B3GALT1: variants seen among roughly 807,000 people sequenced by gnomAD.
B3GALT1 encodes beta-1,3-galactosyltransferase 1.
A neutral mutation model predicts 23.2 loss-of-function variants in B3GALT1; 10 were observed. That is an observed-to-expected ratio of 0.43 (90% CI 0.27 to 0.73). B3GALT1 has a LOEUF of 0.73. B3GALT1 is among the 30% of genes least tolerant of loss of function. B3GALT1 has a pLI of 0.21. For missense variants in B3GALT1, 299 were observed against 405.4 expected, an observed-to-expected ratio of 0.74 and a Z score of 2.25; for synonymous variants, 156 against 141.5, an observed-to-expected ratio of 1.10 and a Z score of -0.73.
intron 3 of B3GALT1, among the ~76,000 whole-genome samples, chr2:167,754,958 G>A (rs181504325): frequency 2.0e-5 from 3 of 152,178 alleles, no homozygotes; most frequent in Admixed American, 6.5e-5. Flanking sequence ...GTGCAGAGCC[G>A]AGCCATGCAT....
intron 2 of B3GALT1, among the ~76,000 whole-genome samples, chr2:167,496,592 C>T (rs964898364): frequency 2.6e-5 from 4 of 152,096 alleles, no homozygotes; most frequent in Admixed American, 2.6e-4. Context: ...CTGTTCTAGG[C>T]CTTTGTGACA....
At chr2:167,810,512 A>T (rs11895961) in intron 3 of B3GALT1, among the ~76,000 whole-genome samples, 4,626 of 150,982 alleles carry the variant, frequency 0.031, 556 homozygotes, top group African/African-American at 0.11. Context: ...TTGACTGCTT[A>T]AGGTATCATA....
rs1201248004 is a variant in B3GALT1, at chr2:167,618,749, T to C, written c.-409-28160T>C. On this transcript the variant is annotated intron_variant, in intron 2 of 4. Coordinates refer to ENST00000392690, the MANE Select transcript of B3GALT1 (RefSeq NM_020981.4). ...ATACAGGTCATTTATTTTGTATTAA[T>C]AGAATGTCTCTCAGAGTTAGTCTGT... Among the ~76,000 whole-genome samples, 6 of 152,036 alleles carry C rather than the reference T, an allele frequency of 3.9e-5. No individual in the cohort carries two copies. In the East Asian group the frequency reaches 7.7e-4, roughly 20 times the overall value.
intron 4 of B3GALT1, among the ~76,000 whole-genome samples, chr2:167,825,664 C>G (rs951709283): frequency 1.3e-5 from 2 of 152,030 alleles, no homozygotes; most frequent in African/African-American, 4.8e-5. Flanking sequence ...CTGACCCACC[C>G]AGGGCAGTTG....
intron 3 of B3GALT1, among the ~76,000 whole-genome samples, chr2:167,694,202 A>G (rs1225997684): frequency 6.6e-6 from 1 of 152,148 alleles, no homozygotes; most frequent in East Asian, 1.9e-4. Flanking sequence ...TTCTGTAGGG[A>G]TATAAACACT....
At chr2:167,556,371 C>T (rs1404040593) in intron 2 of B3GALT1, among the ~76,000 whole-genome samples, 2 of 152,008 alleles carry the variant, frequency 1.3e-5, no homozygotes, top group African/African-American at 2.4e-5. Flanking sequence ...AAAATCTCTA[C>T]TTATCTATTT....
At chr2:167,644,721 A>G (rs1229645332) in intron 2 of B3GALT1, among the ~76,000 whole-genome samples, 1 of 146,224 alleles carries the variant, frequency 6.8e-6, no homozygotes, top group African/African-American at 2.6e-5. Context: ...CGGAGCTTGC[A>G]GTGAGCCAAG....
chr2:167,351,459 G>A (rs1574044229), intron 1 of B3GALT1, among the ~76,000 whole-genome samples: 1 of 152,136 alleles, frequency 6.6e-6, no homozygotes, highest in East Asian at 1.9e-4. Context: ...ATAAAAATAA[G>A]CCTTGGCAAT....
At chr2:167,352,624 G>A (rs1190509748) in intron 1 of B3GALT1, among the ~76,000 whole-genome samples, 1 of 151,820 alleles carries the variant, frequency 6.6e-6, no homozygotes, top group African/African-American at 2.4e-5. Flanking sequence ...GGGAGGCTGA[G>A]GCAGGAGAAT....
At chr2:167,559,607 T>A (rs1683929274) in intron 2 of B3GALT1, among the ~76,000 whole-genome samples, 1 of 152,178 alleles carries the variant, frequency 6.6e-6, no homozygotes, top group East Asian at 1.9e-4. Flanking sequence ...GAGAAGTGCT[T>A]AAAGGAGCTG....
intron 3 of B3GALT1, among the ~76,000 whole-genome samples, chr2:167,717,593 C>T (rs1487287556): frequency 2.0e-5 from 3 of 151,964 alleles, no homozygotes; most frequent in Non-Finnish European, 2.9e-5. Context: ...TTCTACTTAA[C>T]GTAATTTAAT....
intron 1 of B3GALT1, among the ~76,000 whole-genome samples, chr2:167,397,503 G>A (rs560122806): frequency 6.6e-6 from 1 of 152,064 alleles, no homozygotes; most frequent in Non-Finnish European, 1.5e-5. Context: ...GGCACATTCT[G>A]TTCTCACTGG....
intron 2 of B3GALT1, among the ~76,000 whole-genome samples, chr2:167,564,963 A>G (rs547380793): frequency 3.9e-5 from 6 of 152,220 alleles, no homozygotes; most frequent in Non-Finnish European, 7.3e-5. Context: ...TGCCATCCCT[A>G]TCAAGCTACC....
chr2:167,494,342 A>T lies in B3GALT1; in HGVS notation c.-410+4065A>T, dbSNP rs1699749638. Among the ~76,000 whole-genome samples the T allele has an allele frequency of 2.0e-5, 3 of 152,190 alleles. No homozygotes were observed. The South Asian group carries it at 6.2e-4, about 32-fold the overall frequency. On this transcript the variant is annotated intron_variant, in intron 2 of 4. Transcript: ENST00000392690. ...GACAGAGTGAGACTCCTCTCAAAAA[A>T]AAAAAGATATCAGTTATGATATTTA... is the stretch of plus-strand genomic sequence containing the variant.
intron 1 of B3GALT1, among the ~76,000 whole-genome samples, chr2:167,329,285 G>GT (rs1696938599): frequency 6.6e-6 from 1 of 152,114 alleles, no homozygotes; most frequent in Non-Finnish European, 1.5e-5. Flanking sequence ...GTAGCATGTT[G>GT]TTTAATATCC....
At chr2:167,588,616 T>C (rs913818892) in intron 2 of B3GALT1, among the ~76,000 whole-genome samples, 27 of 152,128 alleles carry the variant, frequency 1.8e-4, no homozygotes, top group Non-Finnish European at 3.8e-4. Flanking sequence ...ATTTGATTAC[T>C]GAGATAGATG....
chr2:167,735,376 C>T (rs925885221), intron 3 of B3GALT1, among the ~76,000 whole-genome samples: 2 of 152,206 alleles, frequency 1.3e-5, no homozygotes, highest in African/African-American at 2.4e-5. Context: ...TTTCACTAGA[C>T]TGTTTAGAGA....
intron 2 of B3GALT1, among the ~76,000 whole-genome samples, chr2:167,572,077 A>G (rs767702323): frequency 6.6e-5 from 10 of 151,966 alleles, no homozygotes; most frequent in Non-Finnish European, 1.2e-4. Context: ...CCAACATCAT[A>G]TTATGTTATT....
intron 2 of B3GALT1, among the ~76,000 whole-genome samples, chr2:167,593,611 T>C (rs892223185): frequency 1.3e-5 from 2 of 152,156 alleles, no homozygotes; most frequent in African/African-American, 4.8e-5. Flanking sequence ...GCTTATGAAA[T>C]TTAAAATTAT....
Sources: gnomAD v4.1 joint callset for allele counts (sites outside exome capture counted in the v4.1 genomes callset) on GRCh38, gnomAD v4.1.1 for gene constraint, MANE v1.5 for transcripts, NCBI Gene and HGNC (gene_info 2026-07-23, HGNC 2026-07-21) for gene names.